The following MAGI3 variants were observed in gnomAD, a reference collection of about 807,000 sequenced individuals.
MAGI3 encodes the protein membrane associated guanylate kinase, WW and PDZ domain containing 3.
MAGI3 carries 43 observed loss-of-function variants against 121.8 expected under a neutral mutation model. The ratio of observed to expected loss-of-function variants is 0.35; its 90% CI spans 0.28 to 0.46. The LOEUF (loss-of-function observed/expected upper bound fraction) is 0.46, where lower values mean the gene tolerates loss of function less well. Ranked by LOEUF, MAGI3 falls within the 20% of genes least tolerant of loss-of-function variation. The pLI is 1.00. For synonymous variants in MAGI3, 553 were observed against 639.3 expected (o/e 0.86, Z 2.04); for missense variants, 1,547 against 1,797.3 (o/e 0.86, Z 2.52).
intron 1 of MAGI3, among the ~76,000 whole-genome samples, chr1:113,419,039 T>C (rs1293378539): frequency 1.3e-5 from 2 of 152,162 alleles, no homozygotes; most frequent in African/African-American, 4.8e-5. Flanking sequence ...GTAAAAACAT[T>C]TGGCTTAACT....
chr1:113,651,075 C>G lies in MAGI3; in HGVS notation c.2309C>G (p.Ala770Gly). ...AAEKDGRLRA[A>G]DELMCIDGIP... is the part of the protein sequence containing the mutation. ...GAGAAAGATGGTCGGCTCCGCGCAG[C>G]TGATGAACTAATGTGCATTGATGGA... is the stretch of plus-strand genomic sequence containing the variant. Residue 770 changes from alanine (A) to glycine (G), a missense_variant, in exon 14 of 21, where the codon GCT (alanine) becomes GGT (glycine). Ala to Gly is a moderately conservative substitution (Grantham distance 60, BLOSUM62 0). Coordinates refer to ENST00000307546, the MANE Select transcript of MAGI3 (RefSeq NM_001142782.2). 6.2e-7 allele frequency: 1 copy of G among 1,614,152 alleles called. No individual in the cohort carries two copies. The highest frequency in any genetic ancestry group is 1.7e-5 in the Admixed American group (1 of 60,008).
chr1:113,489,065 G>A (rs777951413), intron 1 of MAGI3, among the ~76,000 whole-genome samples: 4 of 152,168 alleles, frequency 2.6e-5, no homozygotes, highest in Non-Finnish European at 5.9e-5. Context: ...CACTGCTGCT[G>A]GCACATGCAA....
chr1:113,482,182 CAGAA>C (rs1656144800), intron 1 of MAGI3, among the ~76,000 whole-genome samples: 1 of 152,044 alleles, frequency 6.6e-6, no homozygotes, highest in South Asian at 2.1e-4. Context: ...TTGTGATACT[CAGAA>C]GACAGGAGAG....
At chr1:113,449,854 G>A (rs866221761) in intron 1 of MAGI3, 16 of 1,460,564 alleles carry the variant, frequency 1.1e-5, no homozygotes, top group Middle Eastern at 1.7e-4. Flanking sequence ...CAAACAAAAC[G>A]TTCCAGGGGC....
At chr1:113,618,425 T>C in intron 7 of MAGI3, 1 of 390,626 alleles carries the variant, frequency 2.6e-6, no homozygotes, top group Admixed American at 3.0e-5. Context: ...ATATTCAGTC[T>C]ACCTAAAAAC....
Position 113,476,590 on chromosome 1 carries a change from T to G in MAGI3, c.317-72925T>G, listed in dbSNP as rs1396469901. ...GATTTCGCTGTGGTTTGAGAGACAG[T>G]TTGTTGTGATTTCTGTTCTTTTACA... On this transcript the variant is annotated intron_variant, in intron 1 of 20. Transcript: ENST00000307546. Among the ~76,000 whole-genome samples the G allele has an allele frequency of 2.0e-5, 3 of 152,302 alleles. No homozygotes were observed. The East Asian group carries it at 5.8e-4, about 29-fold the overall frequency.
chr1:113,583,455 C>A (rs1557835758), intron 3 of MAGI3, among the ~76,000 whole-genome samples: 1 of 151,956 alleles, frequency 6.6e-6, no homozygotes, highest in Non-Finnish European at 1.5e-5. Context: ...ATATTTTCCC[C>A]TTAGAAAAAG....
intron 2 of MAGI3, among the ~76,000 whole-genome samples, chr1:113,576,120 G>T (rs12731969): frequency 0.23 from 34,649 of 152,158 alleles, 4,940 homozygotes; most frequent in South Asian, 0.37. Flanking sequence ...TTCTTAGCTT[G>T]CTGGGCTCTG....
intron 1 of MAGI3, among the ~76,000 whole-genome samples, chr1:113,527,179 G>A (rs778863500): frequency 3.9e-5 from 6 of 152,064 alleles, no homozygotes; most frequent in Non-Finnish European, 5.9e-5. Context: ...AAAGAGCCAA[G>A]GCTAACTCCT....
At chr1:113,641,090 AT>A (rs749518844) in intron 9 of MAGI3, among the ~76,000 whole-genome samples, 31,681 of 64,646 alleles carry the variant, frequency 0.49, 9,250 homozygotes, top group South Asian at 0.59. Context: ...TGAGATATAT[AT>A]TATATATATG....
chr1:113,432,623 TG>T (rs1167903486), intron 1 of MAGI3, among the ~76,000 whole-genome samples: 6 of 152,184 alleles, frequency 3.9e-5, no homozygotes, highest in Non-Finnish European at 8.8e-5. Context: ...CCTAAGTAGC[TG>T]GGACTATAGG....
At chr1:113,613,025 GA>G (rs1414930367) in intron 6 of MAGI3, among the ~76,000 whole-genome samples, 4 of 151,774 alleles carry the variant, frequency 2.6e-5, no homozygotes, top group African/African-American at 9.7e-5. Context: ...TTCTATTAAA[GA>G]AAAAAATATT....
intron 1 of MAGI3, among the ~76,000 whole-genome samples, chr1:113,436,310 A>G (rs191021273): frequency 3.1e-4 from 47 of 152,006 alleles, no homozygotes; most frequent in Non-Finnish European, 5.9e-4. Context: ...CTCTCTCTAT[A>G]TATATATTTT....
intron 1 of MAGI3, among the ~76,000 whole-genome samples, chr1:113,503,966 A>C (rs932507478): frequency 6.6e-6 from 1 of 152,094 alleles, no homozygotes; most frequent in Non-Finnish European, 1.5e-5. Context: ...AGTGACCTTT[A>C]GGATCTTTTA....
chr1:113,496,137 T>A (rs1458549211), intron 1 of MAGI3, among the ~76,000 whole-genome samples: 1 of 152,210 alleles, frequency 6.6e-6, no homozygotes, highest in Non-Finnish European at 1.5e-5. Flanking sequence ...TCTTTTTTGC[T>A]TGTTGCTAAT....
intron 1 of MAGI3, among the ~76,000 whole-genome samples, chr1:113,465,651 AT>A (rs752743417): frequency 3.9e-5 from 6 of 152,148 alleles, no homozygotes; most frequent in African/African-American, 1.2e-4. Context: ...ATATCTTTCA[AT>A]TTTTTTGGCA....
At chr1:113,540,694 C>T (rs1264567588) in intron 1 of MAGI3, among the ~76,000 whole-genome samples, 1 of 152,178 alleles carries the variant, frequency 6.6e-6, no homozygotes, top group Non-Finnish European at 1.5e-5. Context: ...GCATTTTCCT[C>T]TGGGGCACCA....
intron 9 of MAGI3, among the ~76,000 whole-genome samples, chr1:113,626,697 G>T (rs1156935939): frequency 6.6e-6 from 1 of 152,102 alleles, no homozygotes; most frequent in Admixed American, 6.5e-5. Flanking sequence ...GTGTGTCTAG[G>T]AATTTATCCA....
At chr1:113,435,310 A>T (rs901315337) in intron 1 of MAGI3, among the ~76,000 whole-genome samples, 1 of 152,092 alleles carries the variant, frequency 6.6e-6, no homozygotes, top group Admixed American at 6.6e-5. Flanking sequence ...TTTTTGACTG[A>T]CTTTTAAATG....
Sources: gnomAD v4.1 joint callset for allele counts (sites outside exome capture counted in the v4.1 genomes callset) on GRCh38, gnomAD v4.1.1 for gene constraint, MANE v1.5 for transcripts, NCBI Gene and HGNC (gene_info 2026-07-23, HGNC 2026-07-21) for gene names.